MYLK4: variants seen among roughly 807,000 people sequenced by gnomAD.
MYLK4 encodes caMLCK like.
In MYLK4, 46 loss-of-function variants were observed where a neutral mutation model predicts 48.1. The ratio of observed to expected loss-of-function variants is 0.96; its 90% CI spans 0.75 to 1.22. The LOEUF is 1.22. MYLK4 is among the 50% of genes most tolerant of loss of function. The probability of loss-of-function intolerance (pLI) is 0.00; values close to 1 mark genes in which losing one functional copy is unlikely to be tolerated. For missense variants in MYLK4, 451 were observed against 486.1 expected (o/e 0.93, Z 0.68); for synonymous variants, 170 against 180.8 (o/e 0.94, Z 0.48).
At chr6:2,671,390 T>G (rs1387576691) in intron 11 of MYLK4, 42 bp from the exon 12 acceptor site, 1 of 1,569,996 alleles carries the variant, frequency 6.4e-7, no homozygotes, top group Non-Finnish European at 8.8e-7. Context: ...TAGGACTGTT[T>G]CCTTCAGGTC....
At chr6:2,692,642 AGG>A (rs5873836) in intron 3 of MYLK4, 140 bp downstream of exon 3, 30,368 of 210,336 alleles carry the variant, frequency 0.14, 1,315 homozygotes, top group African/African-American at 0.19. Flanking sequence ...AAAAAAAAAA[AGG>A]GGGGGGGGGG....
At chr6:2,728,482 T>C (rs1763365498) in intron 2 of MYLK4, among the ~76,000 whole-genome samples, 1 of 151,964 alleles carries the variant, frequency 6.6e-6, no homozygotes, top group African/African-American at 2.4e-5. Flanking sequence ...GATCTCTGTG[T>C]CCCGCAGCCG....
intron 2 of MYLK4, among the ~76,000 whole-genome samples, chr6:2,734,428 C>T (rs1235361857): frequency 1.3e-5 from 2 of 152,134 alleles, no homozygotes. Flanking sequence ...CTTCACACGT[C>T]CTCTCACCCG....
the MYLK4 span, chr6:2,766,423 G>T: frequency 1.3e-6 from 2 of 1,587,922 alleles, no homozygotes. Context: ...TTATCCTGTG[G>T]GGGCCGCCGG....
At position 2,672,088 on chromosome 6, in the gene MYLK4, T is replaced by C. The variant is rs879833523; in HGVS notation, c.1120-740A>G. ...TTGGATATCAGCTCATGGGTTGTTT[T>C]ATTAGTTCACTGAGAGGGCATGAGC... is the stretch of plus-strand genomic sequence containing the variant. On this transcript the variant is annotated intron_variant, in intron 11 of 12. Transcript: ENST00000274643. This position sits in a 1 kb window ranked among gnomAD's most constrained non-coding sequence, Gnocchi z 4.3. Among the ~76,000 whole-genome samples the C allele has an allele frequency of 1.4e-4, 22 of 152,204 alleles. No homozygotes were observed. The highest frequency in any genetic ancestry group is 3.9e-4 in the Admixed American group (6 of 15,274).
At chr6:2,691,021 G>C (rs1485788351) in intron 3 of MYLK4, among the ~76,000 whole-genome samples, 1 of 151,720 alleles carries the variant, frequency 6.6e-6, no homozygotes, top group African/African-American at 2.4e-5. Context: ...AAATAGAGAC[G>C]GGGTTTCACC....
At chr6:2,669,685 C>T (rs561567434) in intron 12 of MYLK4, among the ~76,000 whole-genome samples, 7 of 152,266 alleles carry the variant, frequency 4.6e-5, no homozygotes, top group South Asian at 4.2e-4. Context: ...TGGGGCACCT[C>T]GCTGAGTGCC....
rs775526499 is a variant in MYLK4 at position 2,679,267 on chromosome 6, GAGAGCT to G, written c.887+7_887+12del. 6.2e-7 allele frequency: 1 copy of G among 1,613,882 alleles called. No homozygotes were observed. The highest frequency in any genetic ancestry group is 8.5e-7 in the Non-Finnish European group (1 of 1,179,992). On this transcript the variant is annotated splice_region_variant and intron_variant, in intron 9 of 12. Transcript: ENST00000274643. Reference sequence around the variant, plus strand: ...AGTTGGAGAAGGGTCAGAGACAGAGGAGAGCTACTCACAGCATATAGGCGATGACCC... The same window carrying G: ...AGTTGGAGAAGGGTCAGAGACAGAGGACTCACAGCATATAGGCGATGACCC...
intron 12 of MYLK4, among the ~76,000 whole-genome samples, chr6:2,668,372 C>T (rs1760745880): frequency 1.3e-5 from 2 of 152,136 alleles, no homozygotes; most frequent in African/African-American, 4.8e-5. Context: ...TACCTGCCAT[C>T]ATTCCTGTGG....
intron 10 of MYLK4, 52 bp downstream of exon 10, chr6:2,678,168 T>G: frequency 6.3e-7 from 1 of 1,591,486 alleles, no homozygotes; most frequent in Non-Finnish European, 8.6e-7. Flanking sequence ...TGGTAGGCCC[T>G]GCTTCCTTAT....
intron 2 of MYLK4, among the ~76,000 whole-genome samples, chr6:2,745,960 TA>T (rs1764074616): frequency 7.0e-6 from 1 of 143,030 alleles, no homozygotes; most frequent in Non-Finnish European, 1.5e-5. Flanking sequence ...CAAGAAAAAT[TA>T]AAAGAACAAG....
rs965546608 is a variant in MYLK4, at chr6:2,672,280, G to T, written c.1120-932C>A. Among the ~76,000 whole-genome samples, 3 of 152,148 alleles carry T rather than the reference G, an allele frequency of 2.0e-5. No individual in the cohort carries two copies. The highest frequency in any genetic ancestry group is 4.4e-5 in the Non-Finnish European group (3 of 68,028). Reference sequence around the variant, plus strand: ...TAGATTCCTAATTTGGGAGTGCTTTGCCCCACCCCAGCTGAGAGCTGCTTC... The same window carrying T: ...TAGATTCCTAATTTGGGAGTGCTTTTCCCCACCCCAGCTGAGAGCTGCTTC... On this transcript the variant is annotated intron_variant, in intron 11 of 12. Transcript: ENST00000274643. This position sits in a 1 kb window ranked among gnomAD's most constrained non-coding sequence, Gnocchi z 4.3.
At chr6:2,768,078 C>T in the MYLK4 span, among the ~76,000 whole-genome samples, 2 of 152,164 alleles carry the variant, frequency 1.3e-5, no homozygotes, top group Non-Finnish European at 2.9e-5. Context: ...CCAAGAAGTG[C>T]TTTACCTGGG....
In MYLK4 at chr6:2,697,140, C is replaced by T. The variant is rs374823813; in HGVS notation, c.160-4281G>A. Reference sequence around the variant, plus strand: ...TATATAATTATAAATAAATATATCGCGGAGTGCTTTAAAATATTTTACTGA... The same window carrying T: ...TATATAATTATAAATAAATATATCGTGGAGTGCTTTAAAATATTTTACTGA... On this transcript the variant is annotated intron_variant, in intron 2 of 12. Transcript: ENST00000274643. Among the ~76,000 whole-genome samples the T allele has an allele frequency of 5.3e-5, 8 of 152,232 alleles. No homozygotes were observed. The East Asian group carries it at 1.5e-3, about 29-fold the overall frequency.
At chr6:2,711,151 T>C (rs1235684851) in intron 2 of MYLK4, among the ~76,000 whole-genome samples, 2 of 152,144 alleles carry the variant, frequency 1.3e-5, no homozygotes, top group African/African-American at 4.8e-5. Flanking sequence ...GAACTGCTGC[T>C]CAGGTTCATA....
the MYLK4 span, chr6:2,765,309 G>T: frequency 4.8e-6 from 1 of 208,382 alleles, no homozygotes; most frequent in Non-Finnish European, 9.5e-6. Flanking sequence ...ATTCTCGGCG[G>T]TGATTGGGGC....
rs138286409 is a variant in MYLK4, at chr6:2,706,495, C to T, written c.160-13636G>A. Among the ~76,000 whole-genome samples, 146 of 152,042 alleles carry T rather than the reference C, an allele frequency of 9.6e-4. 3 individuals are homozygous for T. The East Asian group carries it at 0.026, about 27-fold the overall frequency. ...CTCATCAAAACGTGTATATTAAATA[C>T]GTGTAATTTTTTGTATATAAATTTA... On this transcript the variant is annotated intron_variant, in intron 2 of 12. Transcript: ENST00000274643.
rs35133716 is a variant in MYLK4, at chr6:2,690,823, C to CTTTTTTTTTTTTTT, written c.236-1881_236-1868dup. Among the ~76,000 whole-genome samples the CTTTTTTTTTTTTTT allele has an allele frequency of 5.6e-5, 5 of 88,834 alleles. 1 individual carries two copies. Among genetic ancestry groups the CTTTTTTTTTTTTTT allele is most frequent in the African/African-American group, 1.4e-4 (3 of 21,340 alleles). 58.3% of individuals were successfully genotyped at this position (88,834 alleles called of 152,430 possible). A position where few individuals can be genotyped will look rare whatever the true frequency, so the allele number is the denominator to read the frequency against. On this transcript the variant is annotated intron_variant, in intron 3 of 12. Transcript: ENST00000274643. ...AAAAGAAGCAATAATCTCTCTGAAT[C>CTTTTTTTTTTTTTT]TTTTTTTTTTTTTTTTTTTTTTTTG...
the MYLK4 span, among the ~76,000 whole-genome samples, chr6:2,761,948 T>C: frequency 6.6e-6 from 1 of 152,246 alleles, no homozygotes; most frequent in African/African-American, 2.4e-5. Flanking sequence ...ATTCTCGCTC[T>C]GTCGCCAGGC....
Sources: gnomAD v4.1 joint callset for allele counts (sites outside exome capture counted in the v4.1 genomes callset) on GRCh38, gnomAD v4.1.1 for gene constraint, Gnocchi (gnomAD v3.1) non-coding constraint, MANE v1.5 for transcripts, NCBI Gene and HGNC (gene_info 2026-07-23, HGNC 2026-07-21) for gene names.